The following RASAL2 variants were observed in gnomAD, a reference collection of about 807,000 sequenced individuals.
The protein encoded by RASAL2 is ras GTPase-activating protein nGAP.
Under a neutral mutation model 128.9 loss-of-function variants are expected in RASAL2, and 58 were observed. The ratio of observed to expected loss-of-function variants is 0.45; its 90% CI spans 0.36 to 0.56. The LOEUF is 0.56. Among genes scored for constraint, RASAL2 ranks in the 20% least tolerant of loss-of-function variants. The pLI, the probability that RASAL2 is intolerant of heterozygous loss-of-function variation, is 0.00. For synonymous variants in RASAL2, 561 were observed against 580.8 expected (o/e 0.97, Z 0.49); for missense variants, 1,360 against 1,601.6 (o/e 0.85, Z 2.57).
intron 1 of RASAL2, among the ~76,000 whole-genome samples, chr1:178,225,645 G>T (rs1663759383): frequency 6.6e-6 from 1 of 151,934 alleles, no homozygotes; most frequent in African/African-American, 2.4e-5. Flanking sequence ...TGTCTTTGTA[G>T]CATGTATAAA....
chr1:178,108,809 G>T (rs1659192023), intron 1 of RASAL2, among the ~76,000 whole-genome samples: 1 of 152,048 alleles, frequency 6.6e-6, no homozygotes, highest in African/African-American at 2.4e-5. Context: ...ATACGCTTTG[G>T]ATGTCATAAT....
Position 178,466,059 on chromosome 1 carries a change from G to C in RASAL2, c.3527G>C (p.Ser1176Thr). 6.3e-7 allele frequency: 1 copy of C among 1,582,790 alleles called. No individual in the cohort carries two copies. Among genetic ancestry groups the C allele is most frequent in the Non-Finnish European group, 8.6e-7 (1 of 1,162,926 alleles). Residue 1176 changes from serine to threonine, a missense_variant, in exon 16 of 18, where the codon AGC becomes ACC. By Grantham distance (58) the Ser-to-Thr change is moderately conservative. Transcript: ENST00000367649. ...LLEYKARLED[S>T]EERLRRQQEE... The stretch of plus-strand genomic sequence containing the variant: ...GAATACAAGGCCCGACTGGAGGACA[G>C]CGAGGAGCGGCTCCGAAGACAGCAG...
At position 178,458,249 on chromosome 1, in the gene RASAL2, C is replaced by T. The variant is rs375574128; in HGVS notation, c.2957C>T (p.Ser986Phe). Residue 986 changes from serine to phenylalanine, a missense_variant, in exon 14 of 18, where the codon TCC (serine) becomes TTC (phenylalanine). Coordinates refer to ENST00000367649, the MANE Select transcript of RASAL2 (RefSeq NM_170692.4). ...TKRSTQSEDFSRRHTVPDRHI... is the reference protein window; with the variant it reads ...TKRSTQSEDFFRRHTVPDRHI... ...CGTAGCACTCAGAGTGAGGACTTCT[C>T]CAGGCGGCACACGGTGCCAGATAGA... 2.5e-6 allele frequency: 4 copies of T among 1,614,138 alleles called. No homozygotes were observed. Among genetic ancestry groups the T allele is most frequent in the African/African-American group, 1.3e-5 (1 of 74,946 alleles).
intron 1 of RASAL2, among the ~76,000 whole-genome samples, chr1:178,188,666 T>TTTTTTTGA (rs1662391989): frequency 6.6e-6 from 1 of 152,162 alleles, no homozygotes; most frequent in South Asian, 2.1e-4. Flanking sequence ...AACTTAGAAG[T>TTTTTTTGA]AGTAAAATTC....
At chr1:178,155,022 C>T (rs1571555420) in intron 1 of RASAL2, among the ~76,000 whole-genome samples, 1 of 152,042 alleles carries the variant, frequency 6.6e-6, no homozygotes, top group East Asian at 1.9e-4. Context: ...GGGGTTTCTC[C>T]ATGTTGGTCA....
intron 1 of RASAL2, among the ~76,000 whole-genome samples, chr1:178,095,882 A>G (rs1658662372): frequency 6.6e-6 from 1 of 152,146 alleles, no homozygotes; most frequent in Non-Finnish European, 1.5e-5. Flanking sequence ...CTGTAAAGTG[A>G]GTGGATTGGA....
intron 5 of RASAL2, among the ~76,000 whole-genome samples, chr1:178,425,405 A>G (rs1035330239): frequency 2.0e-5 from 3 of 152,162 alleles, no homozygotes; most frequent in African/African-American, 7.2e-5. Flanking sequence ...TCCATCTTTA[A>G]TGAAACTAGG....
At chr1:178,178,150 A>T (rs1027937250) in intron 1 of RASAL2, among the ~76,000 whole-genome samples, 12 of 152,144 alleles carry the variant, frequency 7.9e-5, no homozygotes, top group African/African-American at 2.9e-4. Flanking sequence ...AGATCACCAT[A>T]AAAAAATTCA....
chr1:178,462,697 T>A (rs1647240823), intron 14 of RASAL2, among the ~76,000 whole-genome samples: 1 of 152,162 alleles, frequency 6.6e-6, no homozygotes, highest in African/African-American at 2.4e-5. Flanking sequence ...TTTGACCACC[T>A]ACTGTATGCC....
intron 1 of RASAL2, among the ~76,000 whole-genome samples, chr1:178,207,595 A>T (rs1233854848): frequency 1.3e-5 from 2 of 152,184 alleles, no homozygotes; most frequent in Non-Finnish European, 2.9e-5. Context: ...TCCTAGAAAA[A>T]AATAGGCTAA....
intron 1 of RASAL2, 138 bp from the exon 2 acceptor site, chr1:178,283,426 G>A: frequency 9.2e-7 from 1 of 1,090,574 alleles, no homozygotes. Context: ...TTTCTTAAGA[G>A]GAAGCTTTAA....
intron 12 of RASAL2, chr1:178,456,388 T>C (rs998586316): frequency 2.3e-5 from 8 of 350,902 alleles, no homozygotes; most frequent in Admixed American, 1.2e-4. Flanking sequence ...CTCCCAAAGA[T>C]TTAGTTTGCT....
chr1:178,275,329 T>A (rs1406550230), intron 1 of RASAL2, among the ~76,000 whole-genome samples: 2 of 152,228 alleles, frequency 1.3e-5, no homozygotes, highest in Non-Finnish European at 2.9e-5. Flanking sequence ...TATAGAGGCA[T>A]GCCCTGATAT....
chr1:178,445,433 C>T, intron 8 of RASAL2, 85 bp from the exon 9 acceptor site: 3 of 1,371,704 alleles, frequency 2.2e-6, no homozygotes, highest in Non-Finnish European at 2.0e-6. Context: ...GCAGCATTTC[C>T]AGGATGTCTG....
chr1:178,165,241 C>T (rs1480457671), intron 1 of RASAL2, among the ~76,000 whole-genome samples: 1 of 151,924 alleles, frequency 6.6e-6, no homozygotes, highest in Non-Finnish European at 1.5e-5. Context: ...GTATATATGT[C>T]TATAGTTACA....
intron 3 of RASAL2, among the ~76,000 whole-genome samples, chr1:178,326,756 C>A (rs1175903998): frequency 6.6e-6 from 1 of 152,062 alleles, no homozygotes; most frequent in Non-Finnish European, 1.5e-5. Context: ...GTTGGTCAGG[C>A]TGGTCTCGAA....
intron 3 of RASAL2, among the ~76,000 whole-genome samples, chr1:178,318,487 T>G (rs1226916958): frequency 6.6e-6 from 1 of 151,220 alleles, no homozygotes; most frequent in African/African-American, 2.4e-5. Flanking sequence ...CCGTATTGGG[T>G]GCATATATAT....
intron 1 of RASAL2, among the ~76,000 whole-genome samples, chr1:178,110,650 A>ATATATATATATG (rs68137228): frequency 0.21 from 28,688 of 138,838 alleles, 3,449 homozygotes; most frequent in East Asian, 0.28. Context: ...ATATATATAT[A>ATATATATATATG]TATGTATGTA....
rs376880581 is a variant in RASAL2, at chr1:178,443,279, C to T, written c.1482+50C>T. 3 of 1,454,852 alleles carry T rather than the reference C, an allele frequency of 2.1e-6. No homozygotes were observed. The African/African-American group carries it at 4.2e-5, about 21-fold the overall frequency. 90.1% of individuals were successfully genotyped at this position (1,454,852 alleles called of 1,614,324 possible). On this transcript the variant is annotated intron_variant, in intron 8 of 17. Coordinates refer to ENST00000367649, the MANE Select transcript of RASAL2 (RefSeq NM_170692.4). The stretch of plus-strand genomic sequence containing the variant: ...TACCTGAAGTCTCTTCCCTACCTTT[C>T]ATAAACCAAGATATGGATATTGTAG...
Sources: allele counts gnomAD v4.1 joint callset (sites outside exome capture counted in the v4.1 genomes callset), GRCh38; gene constraint gnomAD v4.1.1; transcripts MANE v1.5; gene names NCBI Gene and HGNC (gene_info 2026-07-23, HGNC 2026-07-21).